The following EDC4 variants were observed in gnomAD, a reference collection of about 807,000 sequenced individuals.
The protein encoded by EDC4 is enhancer of mRNA decapping 4.
Under a neutral mutation model 155.8 loss-of-function variants are expected in EDC4, and 64 were observed. The ratio of observed to expected loss-of-function variants is 0.41; its 90% CI spans 0.34 to 0.51. The LOEUF (loss-of-function observed/expected upper bound fraction) is 0.51. EDC4 is among the 20% of genes least tolerant of loss of function. The pLI is 0.19. For missense variants in EDC4, 1,303 were observed against 1,812.5 expected, an observed-to-expected ratio of 0.72 and a Z score of 5.10; for synonymous variants, 684 against 716.8, an observed-to-expected ratio of 0.95 and a Z score of 0.73.
At position 67,879,797 on chromosome 16, in the gene EDC4, C is replaced by T. The variant is rs1484149403; in HGVS notation, c.1821+23C>T. The T allele has an allele frequency of 6.2e-7, 1 of 1,613,328 alleles. No homozygotes were observed. The highest frequency in any genetic ancestry group is 1.7e-5 in the Admixed American group (1 of 60,002). On this transcript the variant is annotated intron_variant, in intron 15 of 28. Transcript: ENST00000358933. The surrounding 1 kb of genome is among the most constrained non-coding windows in gnomAD (Gnocchi z 6.0). ...CAGGTACTCTCCCAGGGTAGGGGGA[C>T]CTGGGAATGCCTCAGCCACAGGCCA... is the stretch of plus-strand genomic sequence containing the variant.
rs2058045025 is a variant in EDC4, at chr16:67,877,095, A to T, written c.452-122A>T. ...GGTTTGTCCATGCTGCCTCTTGGGG[A>T]GCTGGGTGGGAAAACCAAGCTTGAG... On this transcript the variant is annotated intron_variant, in intron 4 of 28. Coordinates refer to ENST00000358933, the MANE Select transcript of EDC4 (RefSeq NM_014329.5). This position sits in a 1 kb window ranked among gnomAD's most constrained non-coding sequence, Gnocchi z 4.9. The T allele has an allele frequency of 6.5e-7, 1 of 1,535,980 alleles. No individual in the cohort carries two copies. Among genetic ancestry groups the T allele is most frequent in the Admixed American group, 2.0e-5 (1 of 51,104 alleles).
chr16:67,874,302 T>C (rs1435096690), intron 1 of EDC4, among the ~76,000 whole-genome samples: 4 of 152,102 alleles, frequency 2.6e-5, no homozygotes, highest in Non-Finnish European at 5.9e-5. Flanking sequence ...CAGTGGAGAA[T>C]TGTGTTTCCT....
chr16:67,878,230 A>T lies in EDC4; in HGVS notation c.959A>T (p.Tyr320Phe), dbSNP rs749464838. ...CTGGCTACTGCGAGCCACGATGGCTATGTCAAGTTCTGGCAGATCTACATT... is the reference window on the plus strand; with the variant it reads ...CTGGCTACTGCGAGCCACGATGGCTTTGTCAAGTTCTGGCAGATCTACATT... ...TVLATASHDGYVKFWQIYIEG... is the reference protein window; with the variant it reads ...TVLATASHDGFVKFWQIYIEG... Residue 320 changes from tyrosine (Y) to phenylalanine (F), a missense_variant, in exon 8 of 29, where the codon TAT becomes TTT. Transcript: ENST00000358933. This position sits in a 1 kb window ranked among gnomAD's most constrained non-coding sequence, Gnocchi z 5.2. 2 of 1,614,060 alleles carry T rather than the reference A, an allele frequency of 1.2e-6. No homozygotes were observed. Among genetic ancestry groups the T allele is most frequent in the East Asian group, 2.2e-5 (1 of 44,898 alleles).
At position 67,873,296 on chromosome 16, in the gene EDC4, C is replaced by T; in HGVS notation, c.35C>T (p.Ala12Val). 1 of 1,475,704 alleles carries T rather than the reference C, an allele frequency of 6.8e-7. No individual in the cohort carries two copies. The highest frequency in any genetic ancestry group is 9.0e-7 in the Non-Finnish European group (1 of 1,116,658). 91.4% of individuals were successfully genotyped at this position (1,475,704 alleles called of 1,614,324 possible). The change falls in exon 1 of 29, where the codon GCC (alanine) becomes GTC (valine). Residue 12 changes from alanine to valine, a missense_variant. This residue lies in a region of EDC4 where 99 missense variants were observed against 121.3 expected (regional missense o/e 0.82). Coordinates refer to ENST00000358933, the MANE Select transcript of EDC4 (RefSeq NM_014329.5). ...TGCGCGAGCATCGACATCGAGGACG[C>T]CACGCAGCACCTGCGGGACATCCTC... The part of the protein sequence containing the change: ...ASCASIDIED[A>V]TQHLRDILKL...
In EDC4 at chr16:67,880,803, C is replaced by G. The variant is rs752858762; in HGVS notation, c.2344C>G (p.Arg782Gly). The G allele has an allele frequency of 6.2e-7, 1 of 1,613,812 alleles. No individual in the cohort carries two copies. Among genetic ancestry groups the G allele is most frequent in the Non-Finnish European group, 8.5e-7 (1 of 1,180,006 alleles). The change falls in exon 18 of 29, where the codon CGG becomes GGG. Residue 782 changes from arginine (R) to glycine (G), a missense_variant. Around this residue, in one of 5 missense-constraint regions of EDC4, gnomAD observed 391 missense variants for 445.4 expected, o/e 0.88. Transcript: ENST00000358933. The surrounding 1 kb of genome is among the most constrained non-coding windows in gnomAD (Gnocchi z 5.2). The stretch of plus-strand genomic sequence containing the variant: ...CTCGGCACTGCACCTGCTGTCCCCA[C>G]GGCCCCGGCCAGGGCCCGAGCTCGG... ...AASALHLLSP[R>G]PRPGPELGPQ...
At position 67,880,544 on chromosome 16, in the gene EDC4, T is replaced by C; in HGVS notation, c.2098-13T>C. The stretch of plus-strand genomic sequence containing the variant: ...TTCCTGTCACTTAAGCCCCCATCTT[T>C]GGCCCACCTCAGGTGCCTACTGCCA... On this transcript the variant is annotated splice_polypyrimidine_tract_variant and intron_variant, in intron 17 of 28. Transcript: ENST00000358933. This position sits in a 1 kb window ranked among gnomAD's most constrained non-coding sequence, Gnocchi z 5.2. The C allele has an allele frequency of 1.9e-6, 3 of 1,610,286 alleles. No individual in the cohort carries two copies.
In EDC4 at chr16:67,876,477, C is replaced by G; in HGVS notation, c.240-11C>G. 3 of 1,613,408 alleles carry G rather than the reference C, an allele frequency of 1.9e-6. No individual in the cohort carries two copies. Among genetic ancestry groups the G allele is most frequent in the Non-Finnish European group, 2.5e-6 (3 of 1,179,724 alleles). ...GAACAAGAGGCAAAGTTTTTGCACT[C>G]TTCCCCACAGCTGTCTCTCAGGAGA... On this transcript the variant is annotated splice_polypyrimidine_tract_variant and intron_variant, in intron 2 of 28. Transcript: ENST00000358933. The surrounding 1 kb of genome is among the most constrained non-coding windows in gnomAD (Gnocchi z 5.8).
In EDC4 at chr16:67,884,217, G is replaced by A. The variant is rs2058083599; in HGVS notation, c.*69G>A. Reference sequence around the variant, plus strand: ...CAGCAGACAGGCCTAGGCTGGGGCAGGGTCACGGCTGGCCTTTACCTGCTC... The same window carrying A: ...CAGCAGACAGGCCTAGGCTGGGGCAAGGTCACGGCTGGCCTTTACCTGCTC... On this transcript the variant is annotated 3_prime_UTR_variant, in exon 29 of 29. Transcript: ENST00000358933. This position sits in a 1 kb window ranked among gnomAD's most constrained non-coding sequence, Gnocchi z 4.1. 4 of 1,436,596 alleles carry A rather than the reference G, an allele frequency of 2.8e-6. No homozygotes were observed. The highest frequency in any genetic ancestry group is 3.7e-6 in the Non-Finnish European group (4 of 1,074,730). The allele number at this position is 1,436,596 out of a possible 1,614,324, so 89.0% of individuals were successfully genotyped here. A position where few individuals can be genotyped will look rare whatever the true frequency, so the allele number is the denominator to read the frequency against.
intron 1 of EDC4, among the ~76,000 whole-genome samples, chr16:67,875,189 CTT>C (rs1243567151): frequency 1.3e-5 from 2 of 152,202 alleles, no homozygotes; most frequent in East Asian, 3.8e-4. Context: ...GAAATGCTGT[CTT>C]TCCTTACTCC....
In EDC4 at chr16:67,881,544, G is replaced by A; in HGVS notation, c.2826+11G>A. 1 of 1,613,838 alleles carries A rather than the reference G, an allele frequency of 6.2e-7. No homozygotes were observed. The highest frequency in any genetic ancestry group is 8.5e-7 in the Non-Finnish European group (1 of 1,180,030). The stretch of plus-strand genomic sequence containing the variant: ...CTCACAGAGCACCAGGTAAGTGAAT[G>A]AGCCCACTTTGTACTTGTGGAACTT... On this transcript the variant is annotated intron_variant, in intron 21 of 28. Transcript: ENST00000358933. This position sits in a 1 kb window ranked among gnomAD's most constrained non-coding sequence, Gnocchi z 5.4.
In EDC4 at chr16:67,882,350, G is replaced by C; in HGVS notation, c.3276+23G>C. 6.2e-7 allele frequency: 1 copy of C among 1,613,732 alleles called. No homozygotes were observed. The highest frequency in any genetic ancestry group is 8.5e-7 in the Non-Finnish European group (1 of 1,179,792). Reference sequence around the variant, plus strand: ...AAGGTGCTATAGGGCCCAAGATGTGGGTGGAGGTGGTGGTTCCTGGGCCTA... The same window carrying C: ...AAGGTGCTATAGGGCCCAAGATGTGCGTGGAGGTGGTGGTTCCTGGGCCTA... On this transcript the variant is annotated intron_variant, in intron 24 of 28. Coordinates refer to ENST00000358933, the MANE Select transcript of EDC4 (RefSeq NM_014329.5). This position sits in a 1 kb window ranked among gnomAD's most constrained non-coding sequence, Gnocchi z 7.2.
In EDC4 at chr16:67,879,655, G is replaced by A. The variant is rs749053106; in HGVS notation, c.1702G>A (p.Asp568Asn). The A allele has an allele frequency of 6.2e-7, 1 of 1,614,170 alleles. No homozygotes were observed. The highest frequency in any genetic ancestry group is 8.5e-7 in the Non-Finnish European group (1 of 1,180,034). Residue 568 changes from aspartate to asparagine, a missense_variant, in exon 15 of 29, where the codon GAC becomes AAC. Physicochemically the swap from Asp to Asn is conservative, Grantham distance 23 (BLOSUM62 1). Transcript: ENST00000358933. This position sits in a 1 kb window ranked among gnomAD's most constrained non-coding sequence, Gnocchi z 6.0. ...LGSAAHGSQP[D>N]LRRIVELPAP... ...GTCAGCCGCTCACGGCTCCCAGCCT[G>A]ACCTCCGACGAATCGTGGAGCTGCC...
rs113019470 is a variant in EDC4 at position 67,880,618 on chromosome 16, C to T, written c.2159C>T (p.Pro720Leu). 9.3e-6 allele frequency: 15 copies of T among 1,614,156 alleles called. No individual in the cohort carries two copies. In the African/African-American group the frequency reaches 1.3e-4, roughly 14 times the overall value. Residue 720 changes from proline to leucine, a missense_variant, in exon 18 of 29, where the codon CCC (proline) becomes CTC (leucine). This residue lies in a region of EDC4 where 391 missense variants were observed against 445.4 expected (regional missense o/e 0.88). Coordinates refer to ENST00000358933, the MANE Select transcript of EDC4 (RefSeq NM_014329.5). This position sits in a 1 kb window ranked among gnomAD's most constrained non-coding sequence, Gnocchi z 5.2. ...CAGGAAGTGGAGCCCCTGGGGCTACCCCAAGCCTCCCCTAGCCGCACTCGT... is the reference window on the plus strand; with the variant it reads ...CAGGAAGTGGAGCCCCTGGGGCTACTCCAAGCCTCCCCTAGCCGCACTCGT... The part of the protein sequence containing the change: ...ELQEVEPLGL[P>L]QASPSRTRSP...
Position 67,876,196 on chromosome 16 carries a change from T to G in EDC4, c.239+95T>G. The G allele has an allele frequency of 7.5e-7, 1 of 1,336,226 alleles. No homozygotes were observed. Among genetic ancestry groups the G allele is most frequent in the Non-Finnish European group, 1.1e-6 (1 of 951,498 alleles). 82.8% of individuals were successfully genotyped at this position (1,336,226 alleles called of 1,614,324 possible). On this transcript the variant is annotated intron_variant, in intron 2 of 28. Coordinates refer to ENST00000358933, the MANE Select transcript of EDC4 (RefSeq NM_014329.5). The surrounding 1 kb of genome is among the most constrained non-coding windows in gnomAD (Gnocchi z 5.8). ...TGGGGAGTGAGCGGGGCCAGCAGCC[T>G]CTGCTGCTTCCTCTCTAGATGACCT...
rs1369008396 is a variant in EDC4, at chr16:67,879,479, A to T, written c.1609A>T (p.Thr537Ser). The T allele has an allele frequency of 6.2e-7, 1 of 1,614,066 alleles. No individual in the cohort carries two copies. The highest frequency in any genetic ancestry group is 2.2e-5 in the East Asian group (1 of 44,880). ...CCCTGATGTGGTGGCCCCACTGCCC[A>T]CCCACACTGCCCACGAGGACTTCAG... ...LNPDVVAPLP[T>S]HTAHEDFTFG... Residue 537 changes from threonine to serine, a missense_variant, in exon 14 of 29, where the codon ACC (threonine) becomes TCC (serine). This residue lies in a region of EDC4 where 391 missense variants were observed against 445.4 expected (regional missense o/e 0.88). Transcript: ENST00000358933. The surrounding 1 kb of genome is among the most constrained non-coding windows in gnomAD (Gnocchi z 6.0).
chr16:67,878,742 C>G lies in EDC4; in HGVS notation c.1190C>G (p.Ser397Cys). 2 of 1,614,148 alleles carry G rather than the reference C, an allele frequency of 1.2e-6. No homozygotes were observed. The highest frequency in any genetic ancestry group is 1.7e-6 in the Non-Finnish European group (2 of 1,180,020). Residue 397 changes from serine to cysteine, a missense_variant, in exon 11 of 29, where the codon TCC becomes TGC. Physicochemically the swap from Ser to Cys is moderately radical, Grantham distance 112 (BLOSUM62 -1). Around this residue, in one of 5 missense-constraint regions of EDC4, gnomAD observed 235 missense variants for 367.7 expected, o/e 0.64. Transcript: ENST00000358933. This position sits in a 1 kb window ranked among gnomAD's most constrained non-coding sequence, Gnocchi z 5.2. ...TCTGCTTTGTGGCTCTCTAGCTTCT[C>G]CCCAGATATCTTCAGCTCAGTGAGT... ...SWTCLQTIRFSPDIFSSVSVP... is the reference protein window; with the variant it reads ...SWTCLQTIRFCPDIFSSVSVP...
In EDC4 at chr16:67,876,694, T is replaced by G; in HGVS notation, c.351+95T>G. ...CTGCCAGTTCCTATGGGGACCACCT[T>G]GACACTTTCCCAGTTTCAGGAAGCC... is the stretch of plus-strand genomic sequence containing the variant. On this transcript the variant is annotated intron_variant, in intron 3 of 28. Transcript: ENST00000358933. This position sits in a 1 kb window ranked among gnomAD's most constrained non-coding sequence, Gnocchi z 5.8. 1 of 1,564,994 alleles carries G rather than the reference T, an allele frequency of 6.4e-7. No homozygotes were observed. The highest frequency in any genetic ancestry group is 8.7e-7 in the Non-Finnish European group (1 of 1,152,900).
In EDC4 at chr16:67,882,076, A is replaced by C. The variant is rs760443316; in HGVS notation, c.3127A>C (p.Ile1043Leu). ...SAVAGRLERSIRDEIKKTVPP... is the reference protein window; with the variant it reads ...SAVAGRLERSLRDEIKKTVPP... Reference sequence around the variant, plus strand: ...TGTAGCTGGGCGGCTAGAGCGCAGCATACGGGATGAGATCAAGAAGACAGT... The same window carrying C: ...TGTAGCTGGGCGGCTAGAGCGCAGCCTACGGGATGAGATCAAGAAGACAGT... Residue 1043 changes from isoleucine (I) to leucine (L), a missense_variant, in exon 23 of 29, where the codon ATA (isoleucine) becomes CTA (leucine). By Grantham distance (5) the Ile-to-Leu change is conservative. This residue lies in a region of EDC4 where 527 missense variants were observed against 757.0 expected (regional missense o/e 0.70). Transcript: ENST00000358933. The surrounding 1 kb of genome is among the most constrained non-coding windows in gnomAD (Gnocchi z 7.2). 5.0e-6 allele frequency: 8 copies of C among 1,613,824 alleles called. No homozygotes were observed. The South Asian group carries it at 8.8e-5, about 18-fold the overall frequency.
chr16:67,877,047 C>A lies in EDC4; in HGVS notation c.451+75C>A. 6.3e-7 allele frequency: 1 copy of A among 1,589,414 alleles called. No individual in the cohort carries two copies. Among genetic ancestry groups the A allele is most frequent in the Non-Finnish European group, 8.6e-7 (1 of 1,166,522 alleles). Reference sequence around the variant, plus strand: ...GAGCCAGTTCCAACATCAGGCCACTCAGGCCTTAGGGGTACAATGGAAGGT... The same window carrying A: ...GAGCCAGTTCCAACATCAGGCCACTAAGGCCTTAGGGGTACAATGGAAGGT... On this transcript the variant is annotated intron_variant, in intron 4 of 28. Transcript: ENST00000358933. This position sits in a 1 kb window ranked among gnomAD's most constrained non-coding sequence, Gnocchi z 4.9.
Sources: allele counts gnomAD v4.1 joint callset (sites outside exome capture counted in the v4.1 genomes callset), GRCh38; gene constraint gnomAD v4.1.1; regional missense constraint gnomAD v4.1.1; non-coding constraint Gnocchi (gnomAD v3.1); transcripts MANE v1.5; gene names NCBI Gene and HGNC (gene_info 2026-07-23, HGNC 2026-07-21).